The following RTF1 variants were observed in gnomAD, a reference collection of about 807,000 sequenced individuals.
The protein encoded by RTF1 is RTF1 homolog, Paf1/RNA polymerase II complex component.
Under a neutral mutation model 95.7 loss-of-function variants are expected in RTF1, and 10 were observed. The observed-to-expected ratio is 0.10, with a 90% CI of 0.06 to 0.18. RTF1 has a LOEUF of 0.18. Ranked by LOEUF, RTF1 falls within the 10% of genes least tolerant of loss-of-function variation. The pLI is 1.00. For synonymous variants in RTF1, 305 were observed against 311.8 expected (o/e 0.98, Z 0.23); for missense variants, 458 against 875.6 (o/e 0.52, Z 6.02).
chr15:41,421,621 A>G (rs1231117662), intron 1 of RTF1, among the ~76,000 whole-genome samples: 3 of 147,344 alleles, frequency 2.0e-5, no homozygotes, highest in Non-Finnish European at 4.5e-5. Context: ...ACAGAGTGAG[A>G]CCCTGTCCCA....
intron 3 of RTF1, 44 bp downstream of exon 3, chr15:41,453,092 G>A: frequency 6.7e-7 from 1 of 1,493,630 alleles, no homozygotes. Flanking sequence ...TCCCACTCTT[G>A]TCAGCTTGAA....
intron 1 of RTF1, among the ~76,000 whole-genome samples, chr15:41,436,702 G>A (rs1296595205): frequency 1.3e-5 from 2 of 151,970 alleles, no homozygotes; most frequent in Non-Finnish European, 2.9e-5. Flanking sequence ...GCTGAGGCAC[G>A]GCCATTGCTT....
chr15:41,467,046 T>C (rs916745423), intron 6 of RTF1, among the ~76,000 whole-genome samples: 5 of 152,204 alleles, frequency 3.3e-5, no homozygotes, highest in Non-Finnish European at 7.3e-5. Flanking sequence ...TCTGACTGTC[T>C]CTCAGTTTGT....
At chr15:41,467,602 C>T (rs2050886888) in intron 6 of RTF1, among the ~76,000 whole-genome samples, 1 of 152,124 alleles carries the variant, frequency 6.6e-6, no homozygotes, top group African/African-American at 2.4e-5. Flanking sequence ...GTAATCCCAG[C>T]TCCTCAGGAG....
rs2050989616 is a variant in RTF1, at chr15:41,483,526, A to C, written c.*2839A>C. On this transcript the variant is annotated 3_prime_UTR_variant, in exon 18 of 18. Transcript: ENST00000389629. ...CTGACTTGCCACTCAAACTGTACCAATATTGTAAATAAATGTTATGCCATT... is the reference window on the plus strand; with the variant it reads ...CTGACTTGCCACTCAAACTGTACCACTATTGTAAATAAATGTTATGCCATT... The C allele has an allele frequency of 2.0e-5, 3 of 152,638 alleles. No homozygotes were observed. 9.5% of individuals were successfully genotyped at this position (152,638 alleles called of 1,614,324 possible). A position where few individuals can be genotyped will look rare whatever the true frequency, so the allele number is the denominator to read the frequency against.
intron 10 of RTF1, 32 bp downstream of exon 10, chr15:41,475,644 C>G (rs779646217): frequency 6.2e-7 from 1 of 1,602,510 alleles, no homozygotes; most frequent in Non-Finnish European, 8.5e-7. Flanking sequence ...AGCAGTTGTT[C>G]GTGCACGTTG....
At chr15:41,455,680 C>T (rs1595434252) in intron 3 of RTF1, among the ~76,000 whole-genome samples, 2 of 151,426 alleles carry the variant, frequency 1.3e-5, no homozygotes, top group African/African-American at 4.9e-5. Context: ...TGGTGCGCTC[C>T]TGTGGTCCCA....
Position 41,471,293 on chromosome 15 carries a change from A to C in RTF1, c.1147A>C (p.Thr383Pro). The change falls in exon 8 of 18, where the codon ACA (threonine) becomes CCA (proline). Residue 383 changes from threonine to proline, a missense_variant. Coordinates refer to ENST00000389629, the MANE Select transcript of RTF1 (RefSeq NM_015138.5). ...CHMPFFAKTV[T>P]GCFVRIGIGN... Reference sequence around the variant, plus strand: ...CATGCCCTTCTTTGCTAAAACTGTCACAGGATGTTTTGTGCGGATTGGCAT... The same window carrying C: ...CATGCCCTTCTTTGCTAAAACTGTCCCAGGATGTTTTGTGCGGATTGGCAT... 2 of 1,613,944 alleles carry C rather than the reference A, an allele frequency of 1.2e-6. No individual in the cohort carries two copies. The highest frequency in any genetic ancestry group is 1.7e-6 in the Non-Finnish European group (2 of 1,179,986).
Position 41,460,127 on chromosome 15 carries a change from T to TTTTTTG in RTF1, c.662+2256_662+2257insGTTTTT, listed in dbSNP as rs2050840262. On this transcript the variant is annotated intron_variant, in intron 4 of 17. Coordinates refer to ENST00000389629, the MANE Select transcript of RTF1 (RefSeq NM_015138.5). Reference sequence around the variant, plus strand: ...GATTTTTGTTTTTGTTTTTGTTTTTTTTTTTTTTTTTTGAGACAGACTTTC... The same window carrying TTTTTTG: ...GATTTTTGTTTTTGTTTTTGTTTTTTTTTTTGTTTTTTTTTTTTGAGACAGACTTTC... 4.0e-5 allele frequency among the ~76,000 whole-genome samples: 4 copies of TTTTTTG among 100,902 alleles called. No homozygotes were observed. In the East Asian group the frequency reaches 8.9e-4, roughly 22 times the overall value. The allele number at this position is 100,902 out of a possible 152,430, so 66.2% of individuals were successfully genotyped here. A position where few individuals can be genotyped will look rare whatever the true frequency, so the allele number is the denominator to read the frequency against.
At chr15:41,455,338 A>G (rs749794820) in intron 3 of RTF1, among the ~76,000 whole-genome samples, 1 of 151,844 alleles carries the variant, frequency 6.6e-6, no homozygotes, top group South Asian at 2.1e-4. Context: ...GAAAATGTGT[A>G]TGTATGCCAT....
At chr15:41,462,016 A>G (rs1488248299) in intron 4 of RTF1, among the ~76,000 whole-genome samples, 1 of 151,458 alleles carries the variant, frequency 6.6e-6, no homozygotes, top group African/African-American at 2.4e-5. Flanking sequence ...CGGCTTCCCA[A>G]AATGCTGGGG....
intron 4 of RTF1, among the ~76,000 whole-genome samples, chr15:41,459,962 T>C (rs977123968): frequency 2.0e-5 from 3 of 152,192 alleles, no homozygotes; most frequent in South Asian, 2.1e-4. Flanking sequence ...GAAAGGAGAA[T>C]AGAAGCATTT....
At chr15:41,452,735 A>G (rs1180493037) in intron 2 of RTF1, among the ~76,000 whole-genome samples, 166 bp from the exon 3 acceptor site, 1 of 151,848 alleles carries the variant, frequency 6.6e-6, no homozygotes, top group African/African-American at 2.4e-5. Flanking sequence ...CCCTGTTTCA[A>G]AAAAAAAATT....
intron 8 of RTF1, 56 bp downstream of exon 8, chr15:41,471,405 C>G: frequency 1.3e-6 from 2 of 1,527,962 alleles, no homozygotes; most frequent in Non-Finnish European, 1.8e-6. Flanking sequence ...TTAGTCTCAA[C>G]TGAGGGCAGG....
chr15:41,472,980 C>T (rs1406065541), intron 8 of RTF1, among the ~76,000 whole-genome samples: 2 of 151,464 alleles, frequency 1.3e-5, no homozygotes, highest in Admixed American at 6.6e-5. Flanking sequence ...GGATTACAGG[C>T]GTGAGCCACC....
intron 2 of RTF1, among the ~76,000 whole-genome samples, chr15:41,447,478 C>G (rs2050769528): frequency 6.6e-6 from 1 of 152,190 alleles, no homozygotes; most frequent in African/African-American, 2.4e-5. Flanking sequence ...TTCCTTGTTT[C>G]ACTAGGTAAT....
At chr15:41,464,627 T>C (rs1019294257) in intron 4 of RTF1, 144 bp from the exon 5 acceptor site, 1 of 497,054 alleles carries the variant, frequency 2.0e-6, no homozygotes. Flanking sequence ...ATTTTTAATG[T>C]ACTTAAAAGG....
chr15:41,478,400 C>T, intron 14 of RTF1, 148 bp from the exon 15 acceptor site: 1 of 652,342 alleles, frequency 1.5e-6, no homozygotes, highest in Non-Finnish European at 2.6e-6. Flanking sequence ...GACTCCATCT[C>T]AAAAAAAATT....
intron 2 of RTF1, among the ~76,000 whole-genome samples, chr15:41,449,837 A>G (rs188131043): frequency 4.5e-4 from 68 of 152,208 alleles, no homozygotes; most frequent in Non-Finnish European, 4.9e-4. Context: ...CAACTTTTCT[A>G]TATTTTTAAG....
Sources: allele counts gnomAD v4.1 joint callset (sites outside exome capture counted in the v4.1 genomes callset), GRCh38; gene constraint gnomAD v4.1.1; transcripts MANE v1.5; gene names NCBI Gene and HGNC (gene_info 2026-07-23, HGNC 2026-07-21).